MTHFD1: variants seen among roughly 807,000 people sequenced by gnomAD.
MTHFD1 encodes C-1-tetrahydrofolate synthase, cytoplasmic.
A neutral mutation model predicts 110.3 loss-of-function variants in MTHFD1; 44 were observed. The ratio of observed to expected loss-of-function variants is 0.40; its 90% confidence interval spans 0.31 to 0.51. MTHFD1 has a LOEUF of 0.51. Among genes scored for constraint, MTHFD1 ranks in the 20% least tolerant of loss-of-function variants. The pLI is 0.60. For missense variants in MTHFD1, 909 were observed against 1,173.1 expected (o/e 0.77, Z 3.29); for synonymous variants, 402 against 428.8 (o/e 0.94, Z 0.77).
intron 8 of MTHFD1, among the ~76,000 whole-genome samples, chr14:64,421,025 G>A (rs1250071491): frequency 6.6e-6 from 1 of 152,146 alleles, no homozygotes; most frequent in Admixed American, 6.5e-5. Flanking sequence ...CACAATGCCA[G>A]GCCTTGGGCT....
Position 64,431,866 on chromosome 14 carries a change from GC to G in MTHFD1, c.1494+6del. The stretch of plus-strand genomic sequence containing the variant: ...ATCCAAATCCGAAGGTTAAAGGTAA[GC>G]TTTTTTTCTTCCACATTTTTTATAT... On this transcript the variant is annotated splice_donor_region_variant and intron_variant, in intron 15 of 27. Transcript: ENST00000652337. The G allele has an allele frequency of 6.2e-7, 1 of 1,612,824 alleles. No homozygotes were observed. Among genetic ancestry groups the G allele is most frequent in the Non-Finnish European group, 8.5e-7 (1 of 1,178,882 alleles).
At chr14:64,428,090 C>T (rs2078131140) in intron 12 of MTHFD1, among the ~76,000 whole-genome samples, 1 of 144,000 alleles carries the variant, frequency 6.9e-6, no homozygotes, top group Non-Finnish European at 1.5e-5. Context: ...TGCTGCGGTA[C>T]TAAGAACATG....
At chr14:64,436,938 A>T (rs918404075) in intron 16 of MTHFD1, among the ~76,000 whole-genome samples, 1 of 152,218 alleles carries the variant, frequency 6.6e-6, no homozygotes, top group Non-Finnish European at 1.5e-5. Flanking sequence ...GAAACCTGAT[A>T]CTTTTTTCTT....
Position 64,444,545 on chromosome 14 carries a change from C to T in MTHFD1, c.2137-148C>T, listed in dbSNP as rs192631032. On this transcript the variant is annotated intron_variant, in intron 21 of 27. Transcript: ENST00000652337. Reference sequence around the variant, plus strand: ...TCTGTGCTGTGTGATTGGTCACATACCCTAAGTCCTTAGGGCAGGAAATAA... The same window carrying T: ...TCTGTGCTGTGTGATTGGTCACATATCCTAAGTCCTTAGGGCAGGAAATAA... 353 of 844,960 alleles carry T rather than the reference C, an allele frequency of 4.2e-4. No individual in the cohort carries two copies. In the African/African-American group the frequency reaches 5.0e-3, roughly 12 times the overall value. 52.3% of individuals were successfully genotyped at this position (844,960 alleles called of 1,614,324 possible).
At chr14:64,409,704 A>T (rs1224356005) in intron 2 of MTHFD1, among the ~76,000 whole-genome samples, 8 of 150,482 alleles carry the variant, frequency 5.3e-5, no homozygotes, top group Admixed American at 1.3e-4. Context: ...ATAACCCATT[A>T]AAAAAAAAGG....
chr14:64,412,457 A>T lies in MTHFD1; in HGVS notation c.187-15A>T, dbSNP rs528851043. 13 of 1,605,384 alleles carry T rather than the reference A, an allele frequency of 8.1e-6. No homozygotes were observed. Among genetic ancestry groups the T allele is most frequent in the African/African-American group, 1.3e-5 (1 of 74,730 alleles). On this transcript the variant is annotated splice_polypyrimidine_tract_variant and intron_variant, in intron 3 of 27. Transcript: ENST00000652337. ...TTGTCTTGCCATTTACCTGCTTTTAATGTCTGTTTTGCAGATTGGGATCAA... is the reference window on the plus strand; with the variant it reads ...TTGTCTTGCCATTTACCTGCTTTTATTGTCTGTTTTGCAGATTGGGATCAA...
At chr14:64,428,640 G>A (rs1030430406) in intron 12 of MTHFD1, among the ~76,000 whole-genome samples, 13 of 146,724 alleles carry the variant, frequency 8.9e-5, no homozygotes, top group Non-Finnish European at 1.3e-4. Context: ...TGCAACCTCC[G>A]CCTCCTGGTT....
At position 64,424,809 on chromosome 14, in the gene MTHFD1, A is replaced by T; in HGVS notation, c.733A>T (p.Lys245Ter). The change falls in exon 9 of 28, where the codon AAA becomes TAA. Residue 245 changes from lysine (K) to a stop codon, truncating the protein, a stop_gained. Transcript: ENST00000652337. LOFTEE classifies it high-confidence loss of function. ...TTTCTCCCCCACTTGACCAGATGAT[A>T]AAAAACCAAATGGGAGAAAAGTTGT... ...DCGINYVPDD[K>*]KPNGRKVVGD... 6.2e-7 allele frequency: 1 copy of T among 1,614,052 alleles called. No homozygotes were observed. Among genetic ancestry groups the T allele is most frequent in the Middle Eastern group, 1.7e-4 (1 of 6,038 alleles).
intron 23 of MTHFD1, chr14:64,449,048 C>T (rs922014370): frequency 2.2e-5 from 7 of 320,382 alleles, no homozygotes; most frequent in Non-Finnish European, 3.1e-5. Flanking sequence ...ATTCTCCCAC[C>T]TCGGCCTCCC....
Position 64,411,249 on chromosome 14 carries a change from C to T in MTHFD1, c.186+100C>T. On this transcript the variant is annotated intron_variant, in intron 3 of 27. Transcript: ENST00000652337. ...TGGTCCTCCCTGTGAAAACTTTTATCACCCACAGGAGACATTAGTTTATCT... is the reference window on the plus strand; with the variant it reads ...TGGTCCTCCCTGTGAAAACTTTTATTACCCACAGGAGACATTAGTTTATCT... 4 of 834,744 alleles carry T rather than the reference C, an allele frequency of 4.8e-6. No homozygotes were observed. The East Asian group carries it at 9.9e-5, about 21-fold the overall frequency. 51.7% of individuals were successfully genotyped at this position (834,744 alleles called of 1,614,324 possible). A position where few individuals can be genotyped will look rare whatever the true frequency, so the allele number is the denominator to read the frequency against.
intron 18 of MTHFD1, 111 bp downstream of exon 18, chr14:64,440,377 A>T (rs1407235929): frequency 7.9e-7 from 1 of 1,272,466 alleles, no homozygotes; most frequent in Non-Finnish European, 1.1e-6. Context: ...CATTGCAATT[A>T]ATTCATCAAT....
intron 19 of MTHFD1, 92 bp downstream of exon 19, chr14:64,441,545 A>T (rs376507122): frequency 5.4e-5 from 64 of 1,191,982 alleles, no homozygotes; most frequent in Non-Finnish European, 1.4e-5. Context: ...GGTGGCTCAC[A>T]CCTGTAATCC....
At chr14:64,406,003 G>A (rs1051443688) in intron 2 of MTHFD1, among the ~76,000 whole-genome samples, 6 of 148,924 alleles carry the variant, frequency 4.0e-5, no homozygotes, top group South Asian at 2.1e-4. Context: ...ATATATATGT[G>A]TGTGTGTGTA....
At position 64,444,956 on chromosome 14, in the gene MTHFD1, G is replaced by A. The variant is rs575830090; in HGVS notation, c.2178+222G>A. ...CCACATAGGGTGTCAATAAGCCACT[G>A]CCCTAGACCAGTGGTTGATTCTCAA... On this transcript the variant is annotated intron_variant, in intron 22 of 27. Coordinates refer to ENST00000652337, the MANE Select transcript of MTHFD1 (RefSeq NM_005956.4). 10 of 565,578 alleles carry A rather than the reference G, an allele frequency of 1.8e-5. No homozygotes were observed. In the East Asian group the frequency reaches 2.8e-4, roughly 16 times the overall value. 35.0% of individuals were successfully genotyped at this position (565,578 alleles called of 1,614,324 possible). A position where few individuals can be genotyped will look rare whatever the true frequency, so the allele number is the denominator to read the frequency against.
rs1171905009 is a variant in MTHFD1, at chr14:64,425,816, A to G, written c.942A>G (p.Thr314=). 1 of 1,613,492 alleles carries G rather than the reference A, an allele frequency of 6.2e-7. No individual in the cohort carries two copies. The highest frequency in any genetic ancestry group is 1.3e-5 in the African/African-American group (1 of 74,874). Residue 314 remains threonine (T), a synonymous_variant, in exon 10 of 28, where the codon ACA becomes ACG. Transcript: ENST00000652337. ...AGTATAACAACCTTAACCTCAAGAC[A>G]CCTGTTCCAAGGTAAAAATAAAGTT... ...MIQYNNLNLK[T]PVPSDIDISR... is the part of the protein sequence containing the mutation.
In MTHFD1 at chr14:64,417,071, T is replaced by A. The variant is rs1299701544; in HGVS notation, c.479-817T>A. ...GCCTTGACTGCCCTGAGGACTCTGA[T>A]GAAGTCGTCAACTTCTCTCTGCTTT... On this transcript the variant is annotated intron_variant, in intron 6 of 27. Coordinates refer to ENST00000652337, the MANE Select transcript of MTHFD1 (RefSeq NM_005956.4). This position sits in a 1 kb window ranked among gnomAD's most constrained non-coding sequence, Gnocchi z 4.4. 6.6e-6 allele frequency among the ~76,000 whole-genome samples: 1 copy of A among 152,210 alleles called. No homozygotes were observed. The highest frequency in any genetic ancestry group is 6.5e-5 in the Admixed American group (1 of 15,272).
rs567438392 is a variant in MTHFD1 at position 64,445,656 on chromosome 14, T to G, written c.2178+922T>G. Among the ~76,000 whole-genome samples the G allele has an allele frequency of 2.6e-5, 4 of 152,302 alleles. No homozygotes were observed. In the South Asian group the frequency reaches 8.3e-4, roughly 32 times the overall value. The stretch of plus-strand genomic sequence containing the variant: ...TGCTGGTACCTTCAGTCTGCCTGTC[T>G]TCTGAGTTATGGTTTGCCTTTTATG... On this transcript the variant is annotated intron_variant, in intron 22 of 27. Coordinates refer to ENST00000652337, the MANE Select transcript of MTHFD1 (RefSeq NM_005956.4).
At chr14:64,440,384 C>A in intron 18 of MTHFD1, 118 bp downstream of exon 18, 1 of 1,219,748 alleles carries the variant, frequency 8.2e-7, no homozygotes, top group Non-Finnish European at 1.2e-6. Flanking sequence ...ATTAATTCAT[C>A]AATTTAATCC....
At chr14:64,415,207 T>G (rs2078015721) in intron 4 of MTHFD1, 151 bp from the exon 5 acceptor site, 1 of 676,436 alleles carries the variant, frequency 1.5e-6, no homozygotes, top group Admixed American at 2.3e-5. Flanking sequence ...GTACAGGTGC[T>G]CTCAGGATTC....
Sources: gnomAD v4.1 joint callset for allele counts (sites outside exome capture counted in the v4.1 genomes callset) on GRCh38, gnomAD v4.1.1 for gene constraint, Gnocchi (gnomAD v3.1) non-coding constraint, MANE v1.5 for transcripts, NCBI Gene and HGNC (gene_info 2026-07-23, HGNC 2026-07-21) for gene names.